CPLANE1: variants seen among roughly 807,000 people sequenced by gnomAD.
CPLANE1 encodes the protein ciliogenesis and planar polarity effector 1.
Under a neutral mutation model 362.5 loss-of-function variants are expected in CPLANE1, and 263 were observed. The ratio of observed to expected loss-of-function variants is 0.73; its 90% CI spans 0.66 to 0.80. The LOEUF (loss-of-function observed/expected upper bound fraction) is 0.80. CPLANE1 is among the 30% of genes least tolerant of loss of function. The pLI, the probability that CPLANE1 is intolerant of heterozygous loss-of-function variation, is 0.00. For synonymous variants in CPLANE1, 1,212 were observed against 1,302.6 expected (o/e 0.93, Z 1.50); for missense variants, 3,461 against 3,793.4 (o/e 0.91, Z 2.30).
chr5:37,194,694 C>T (rs1483691316), intron 21 of CPLANE1, among the ~76,000 whole-genome samples: 14 of 148,654 alleles, frequency 9.4e-5, no homozygotes, highest in African/African-American at 3.5e-4. Context: ...GCTCTCACTA[C>T]GTTGCCCAGG....
intron 42 of CPLANE1, among the ~76,000 whole-genome samples, chr5:37,152,805 C>T (rs1301924450): frequency 6.6e-6 from 1 of 152,104 alleles, no homozygotes; most frequent in Admixed American, 6.6e-5. Context: ...GGGAGGATTG[C>T]TTGAACCTGA....
chr5:37,176,032 G>T, intron 30 of CPLANE1, 46 bp from the exon 31 acceptor site: 1 of 1,280,516 alleles, frequency 7.8e-7, no homozygotes, highest in Non-Finnish European at 1.1e-6. Flanking sequence ...GATATTCTTT[G>T]CATTATCTAA....
In CPLANE1 at chr5:37,209,505, T is replaced by C; in HGVS notation, c.2921-3080A>G. 7.8e-7 allele frequency: 1 copy of C among 1,276,750 alleles called. No individual in the cohort carries two copies. The highest frequency in any genetic ancestry group is 1.1e-6 in the Non-Finnish European group (1 of 873,968). The allele number at this position is 1,276,750 out of a possible 1,614,324, so 79.1% of individuals were successfully genotyped here. ...ACTTCGAAACCAGCTAATTCATGAG[T>C]TAATGCACCCTGTATTGAGTGGAGA... is the stretch of plus-strand genomic sequence containing the variant. On this transcript the variant is annotated intron_variant, in intron 16 of 52. Coordinates refer to ENST00000651892, the MANE Select transcript of CPLANE1 (RefSeq NM_001384732.1). The surrounding 1 kb of genome is among the most constrained non-coding windows in gnomAD (Gnocchi z 4.6).
Position 37,209,604 on chromosome 5 carries a change from C to T in CPLANE1, c.2921-3179G>A. ...TGCCTCTAACTCTTTAGTGGCAGATCACTTACAAAGATGTGGCTGTGAATA... is the reference window on the plus strand; with the variant it reads ...TGCCTCTAACTCTTTAGTGGCAGATTACTTACAAAGATGTGGCTGTGAATA... On this transcript the variant is annotated intron_variant, in intron 16 of 52. Transcript: ENST00000651892. This position sits in a 1 kb window ranked among gnomAD's most constrained non-coding sequence, Gnocchi z 4.6. The T allele has an allele frequency of 3.5e-6, 5 of 1,429,024 alleles. No individual in the cohort carries two copies. The South Asian group carries it at 5.7e-5, about 16-fold the overall frequency. 88.5% of individuals were successfully genotyped at this position (1,429,024 alleles called of 1,614,324 possible).
At chr5:37,198,638 C>A in intron 20 of CPLANE1, 64 bp downstream of exon 20, 3 of 1,440,750 alleles carry the variant, frequency 2.1e-6, no homozygotes, top group East Asian at 2.3e-5. Flanking sequence ...ATTATAAAAA[C>A]AATAATATAA....
chr5:37,237,413 A>G (rs1799242848), intron 8 of CPLANE1, among the ~76,000 whole-genome samples: 1 of 152,248 alleles, frequency 6.6e-6, no homozygotes, highest in South Asian at 2.1e-4. Flanking sequence ...ACATGGACAT[A>G]CAGAGTGGAA....
chr5:37,247,821 A>C, intron 1 of CPLANE1, 76 bp from the exon 2 acceptor site: 1 of 1,085,500 alleles, frequency 9.2e-7, no homozygotes, highest in African/African-American at 1.6e-5. Flanking sequence ...TTTTGAGACA[A>C]GAGTTTCGTT....
At chr5:37,130,012 G>A (rs1009181049) in intron 46 of CPLANE1, among the ~76,000 whole-genome samples, 1 of 152,154 alleles carries the variant, frequency 6.6e-6, no homozygotes, top group Admixed American at 6.5e-5. Context: ...ATCAAGCAAT[G>A]AGTGGATAAA....
the CPLANE1 span, among the ~76,000 whole-genome samples, chr5:37,084,898 A>C: frequency 6.6e-6 from 1 of 152,310 alleles, no homozygotes; most frequent in Admixed American, 6.5e-5. Context: ...TATAAACTTA[A>C]GGTAAAGGGG....
At position 37,206,078 on chromosome 5, in the gene CPLANE1, G is replaced by A. The variant is rs78818120; in HGVS notation, c.3149+119C>T. The A allele has an allele frequency of 2.4e-3, 1,732 of 714,092 alleles. 34 individuals carry two copies. In the African/African-American group the frequency reaches 0.028, roughly 12 times the overall value. 44.2% of individuals were successfully genotyped at this position (714,092 alleles called of 1,614,324 possible). ...CAACACATTTCTATCACTAAAGAAC[G>A]TTCCATTGAACAATGCTGAACTAAG... On this transcript the variant is annotated intron_variant, in intron 17 of 52. Transcript: ENST00000651892.
intron 15 of CPLANE1, among the ~76,000 whole-genome samples, chr5:37,217,916 G>T (rs1408591897): frequency 6.6e-6 from 1 of 151,888 alleles, no homozygotes; most frequent in African/African-American, 2.4e-5. Flanking sequence ...GGAGGCAGAG[G>T]TTGCAATGAG....
At chr5:37,222,000 T>C (rs755804494) in intron 14 of CPLANE1, among the ~76,000 whole-genome samples, 5 of 151,918 alleles carry the variant, frequency 3.3e-5, no homozygotes, top group African/African-American at 7.3e-5. Context: ...GAACCATATG[T>C]ATATCAAAGG....
chr5:37,094,176 C>T, the CPLANE1 span, among the ~76,000 whole-genome samples: 1 of 152,138 alleles, frequency 6.6e-6, no homozygotes, highest in Non-Finnish European at 1.5e-5. Context: ...GTAAGTGGCC[C>T]GGACCCTTGG....
At chr5:37,198,920 T>A (rs1788350232) in intron 19 of CPLANE1, 54 bp from the exon 20 acceptor site, 2 of 1,535,378 alleles carry the variant, frequency 1.3e-6, no homozygotes, top group South Asian at 1.1e-5. Flanking sequence ...AAATTTAGAA[T>A]GTTAAAATGA....
chr5:37,202,158 C>CT (rs34033701), intron 18 of CPLANE1, among the ~76,000 whole-genome samples: 6,699 of 141,090 alleles, frequency 0.047, 488 homozygotes, highest in African/African-American at 0.16. Flanking sequence ...GTAACTTTTC[C>CT]TTTTTTTTTT....
In CPLANE1 at chr5:37,125,293, G is replaced by A; in HGVS notation, c.8909C>T (p.Ala2970Val). Residue 2970 changes from alanine (A) to valine (V), a missense_variant, in exon 47 of 53, where the codon GCA becomes GTA. Transcript: ENST00000651892. The stretch of plus-strand genomic sequence containing the variant: ...ATCATGTTCTTGCCCTCTCTTTTCT[G>A]CCAGCTCATTTAAGTACTTTGCCAT... ...ERMAKYLNEL[A>V]EKRGQEHDPF... 1 of 1,613,842 alleles carries A rather than the reference G, an allele frequency of 6.2e-7. No individual in the cohort carries two copies. Among genetic ancestry groups the A allele is most frequent in the Non-Finnish European group, 8.5e-7 (1 of 1,179,922 alleles).
At position 37,108,448 on chromosome 5, in the gene CPLANE1, G is replaced by A. The variant is rs753021129; in HGVS notation, c.9424C>T (p.Leu3142=). The A allele has an allele frequency of 1.9e-6, 3 of 1,613,934 alleles. No individual in the cohort carries two copies. The African/African-American group carries it at 4.0e-5, about 22-fold the overall frequency. ...QKGSNAPCHS[L]QHTKKHGSAG... is the part of the protein sequence containing the mutation. ...CTTCCATGTTTTTTTGTATGCTGCA[G>A]ACTATGACACGGAGCATTAGAGCCT... Residue 3142 remains leucine, a synonymous_variant, in exon 52 of 53, where the codon CTG becomes TTG. Transcript: ENST00000651892.
intron 44 of CPLANE1, chr5:37,140,036 C>G (rs1427580035): frequency 1.1e-6 from 1 of 943,176 alleles, no homozygotes; most frequent in East Asian, 1.2e-4. Context: ...TTATTTAAAT[C>G]CGAGAAGCAA....
Position 37,165,686 on chromosome 5 carries a change from A to G in CPLANE1, c.7401-15T>C, listed in dbSNP as rs896398432. On this transcript the variant is annotated splice_polypyrimidine_tract_variant and intron_variant, in intron 35 of 52. Coordinates refer to ENST00000651892, the MANE Select transcript of CPLANE1 (RefSeq NM_001384732.1). ...TTCTTCTTTGCCTGTTAAACATAAT[A>G]GCATAAAACATACTTTTACAACTAT... is the stretch of plus-strand genomic sequence containing the variant. 3 of 1,587,558 alleles carry G rather than the reference A, an allele frequency of 1.9e-6. No homozygotes were observed. The highest frequency in any genetic ancestry group is 2.6e-6 in the Non-Finnish European group (3 of 1,172,778).
Sources: gnomAD v4.1 joint callset for allele counts (sites outside exome capture counted in the v4.1 genomes callset) on GRCh38, gnomAD v4.1.1 for gene constraint, Gnocchi (gnomAD v3.1) non-coding constraint, MANE v1.5 for transcripts, NCBI Gene and HGNC (gene_info 2026-07-23, HGNC 2026-07-21) for gene names.